ZMIZ2: variants seen among roughly 807,000 people sequenced by gnomAD.
The protein encoded by ZMIZ2 is zinc finger MIZ domain-containing protein 2.
A neutral mutation model predicts 93.9 loss-of-function variants in ZMIZ2; 26 were observed. The observed-to-expected ratio is 0.28, with a 90% confidence interval of 0.20 to 0.38. ZMIZ2 has a LOEUF of 0.38. Ranked by LOEUF, ZMIZ2 falls within the 10% of genes least tolerant of loss-of-function variation. ZMIZ2 has a pLI of 1.00. For missense variants in ZMIZ2, 1,023 were observed against 1,235.0 expected (o/e 0.83, Z 2.57); for synonymous variants, 485 against 516.4 (o/e 0.94, Z 0.82).
chr7:44,767,376 C>T, intron 18 of ZMIZ2, 140 bp from the exon 19 acceptor site: 1 of 760,350 alleles, frequency 1.3e-6, no homozygotes, highest in South Asian at 1.7e-5. Context: ...TGGGGCCCCG[C>T]ACCCGGCCTG....
intron 1 of ZMIZ2, among the ~76,000 whole-genome samples, chr7:44,754,757 A>T (rs1350059384): frequency 1.3e-5 from 2 of 152,164 alleles, no homozygotes; most frequent in Non-Finnish European, 2.9e-5. Flanking sequence ...CTCAGGTGGC[A>T]TGTCTGTGTG....
chr7:44,754,403 G>C (rs1275269178), intron 1 of ZMIZ2, among the ~76,000 whole-genome samples: 1 of 152,136 alleles, frequency 6.6e-6, no homozygotes, highest in African/African-American at 2.4e-5. Context: ...CTCCCCTGAG[G>C]GTGTGAGGAA....
intron 1 of ZMIZ2, among the ~76,000 whole-genome samples, 162 bp downstream of exon 1, chr7:44,749,153 A>G (rs1253067960): frequency 6.6e-6 from 1 of 151,778 alleles, no homozygotes; most frequent in African/African-American, 2.4e-5. Context: ...GCGCCACGGT[A>G]GGGTTCACAG....
At position 44,768,651 on chromosome 7, in the gene ZMIZ2, C is replaced by T. The variant is rs994302164; in HGVS notation, c.*1028C>T. ...GCAGGGCGCCTGGGCTGTTGTGTCT[C>T]CTGTCTGTGCCGATCTCTATTAAAG... On this transcript the variant is annotated 3_prime_UTR_variant, in exon 19 of 19. Coordinates refer to ENST00000309315, the MANE Select transcript of ZMIZ2 (RefSeq NM_031449.4). 2 of 152,176 alleles carry T rather than the reference C, an allele frequency of 1.3e-5. No individual in the cohort carries two copies. Among genetic ancestry groups the T allele is most frequent in the Non-Finnish European group, 2.9e-5 (2 of 68,076 alleles). The allele number at this position is 152,176 out of a possible 1,614,324, so 9.4% of individuals were successfully genotyped here.
intron 14 of ZMIZ2, 39 bp downstream of exon 14, chr7:44,764,525 G>A (rs1180871167): frequency 6.2e-7 from 1 of 1,608,940 alleles, no homozygotes; most frequent in African/African-American, 1.3e-5. Flanking sequence ...GGAGGGGCTG[G>A]TGCTTTTAGA....
Position 44,763,601 on chromosome 7 carries a change from C to CA in ZMIZ2, c.1860+191dup. Reference sequence around the variant, plus strand: ...CCCAAGACTAGGCTATTTTTTCTTCCAAATATAATTGTCATTTTACTAACT... The same window carrying CA: ...CCCAAGACTAGGCTATTTTTTCTTCCAAAATATAATTGTCATTTTACTAACT... On this transcript the variant is annotated intron_variant, in intron 13 of 18. Transcript: ENST00000309315. The surrounding 1 kb of genome is among the most constrained non-coding windows in gnomAD (Gnocchi z 5.6). The CA allele has an allele frequency of 1.4e-6, 1 of 704,672 alleles. No individual in the cohort carries two copies. Among genetic ancestry groups the CA allele is most frequent in the South Asian group, 2.2e-5 (1 of 45,932 alleles). The allele number at this position is 704,672 out of a possible 1,614,324, so 43.7% of individuals were successfully genotyped here.
chr7:44,748,609 C>T (rs902969510), upstream of ZMIZ2: 2 of 152,454 alleles, frequency 1.3e-5, no homozygotes, highest in African/African-American at 2.4e-5. Flanking sequence ...CGCAGTGGCT[C>T]TGCCGACGCC....
Position 44,768,859 on chromosome 7 carries a change from C to A in ZMIZ2, c.*1236C>A, listed in dbSNP as rs1791950529. 5 of 152,284 alleles carry A rather than the reference C, an allele frequency of 3.3e-5. No individual in the cohort carries two copies. Among genetic ancestry groups the A allele is most frequent in the Admixed American group, 3.3e-4 (5 of 15,282 alleles). The allele number at this position is 152,284 out of a possible 1,614,324, so 9.4% of individuals were successfully genotyped here. Reference sequence around the variant, plus strand: ...CAGGTTGAGCTCTGGATGTTTCAAGCCAAGGCTCGGCTATTCCCGCCCCAT... The same window carrying A: ...CAGGTTGAGCTCTGGATGTTTCAAGACAAGGCTCGGCTATTCCCGCCCCAT... On this transcript the variant is annotated 3_prime_UTR_variant, in exon 19 of 19. Coordinates refer to ENST00000309315, the MANE Select transcript of ZMIZ2 (RefSeq NM_031449.4).
At chr7:44,756,853 A>G (rs1239672867) in intron 3 of ZMIZ2, 94 bp from the exon 4 acceptor site, 39 of 1,368,460 alleles carry the variant, frequency 2.8e-5, no homozygotes, top group Non-Finnish European at 3.8e-5. Flanking sequence ...CCCCCAACCC[A>G]CTTGCCAGGC....
chr7:44,756,860 A>G, intron 3 of ZMIZ2, 87 bp from the exon 4 acceptor site: 2 of 1,276,120 alleles, frequency 1.6e-6, no homozygotes, highest in Non-Finnish European at 2.2e-6. Context: ...CCCACTTGCC[A>G]GGCCTGTTGG....
In ZMIZ2 at chr7:44,766,617, C is replaced by T. The variant is rs1376123822; in HGVS notation, c.2609C>T (p.Pro870Leu). The change falls in exon 18 of 19, where the codon CCC becomes CTC. Residue 870 changes from proline to leucine, a missense_variant. Coordinates refer to ENST00000309315, the MANE Select transcript of ZMIZ2 (RefSeq NM_031449.4). The surrounding 1 kb of genome is among the most constrained non-coding windows in gnomAD (Gnocchi z 4.4). ...AFSPATGVMGPPSMSGAGEAP... is the reference protein window; with the variant it reads ...AFSPATGVMGLPSMSGAGEAP... ...AGTCCTGCCACAGGCGTGATGGGGC[C>T]CCCCAGCATGTCTGGAGCCGGGGAG... The T allele has an allele frequency of 6.2e-7, 1 of 1,613,354 alleles. No individual in the cohort carries two copies. Among genetic ancestry groups the T allele is most frequent in the Non-Finnish European group, 8.5e-7 (1 of 1,180,006 alleles).
Position 44,763,028 on chromosome 7 carries a change from A to G in ZMIZ2, c.1702+42A>G. 1 of 1,573,726 alleles carries G rather than the reference A, an allele frequency of 6.4e-7. No homozygotes were observed. Among genetic ancestry groups the G allele is most frequent in the Non-Finnish European group, 8.7e-7 (1 of 1,152,210 alleles). The stretch of plus-strand genomic sequence containing the variant: ...CCTCAGCTGCCAGGCAGCCATCCCC[A>G]TTCTGTGTGGCCCAAGCCCAACAAT... On this transcript the variant is annotated intron_variant, in intron 12 of 18. Transcript: ENST00000309315. This position sits in a 1 kb window ranked among gnomAD's most constrained non-coding sequence, Gnocchi z 5.6.
Position 44,760,440 on chromosome 7 carries a change from C to G in ZMIZ2, c.1087C>G (p.Pro363Ala). The change falls in exon 9 of 19, where the codon CCG becomes GCG. Residue 363 changes from proline (P) to alanine (A), a missense_variant. Pro to Ala is a conservative substitution (Grantham distance 27). Coordinates refer to ENST00000309315, the MANE Select transcript of ZMIZ2 (RefSeq NM_031449.4). ...PGLSGPTRSI[P>A]GYPSSPLPGN... ...AACCCTACAGCCTACCCGTTCCATC[C>G]CGGGCTATCCCAGTTCCCCACTGCC... 6.2e-7 allele frequency: 1 copy of G among 1,614,052 alleles called. No individual in the cohort carries two copies. The highest frequency in any genetic ancestry group is 1.6e-4 in the Middle Eastern group (1 of 6,062).
At position 44,765,096 on chromosome 7, in the gene ZMIZ2, C is replaced by T; in HGVS notation, c.1997+87C>T. ...GTCGGGGGATGTCCCTTGCCAAGTG[C>T]AGCCTTCCAGCCTTTTTCCGGCATG... is the stretch of plus-strand genomic sequence containing the variant. On this transcript the variant is annotated intron_variant, in intron 15 of 18. Transcript: ENST00000309315. The surrounding 1 kb of genome is among the most constrained non-coding windows in gnomAD (Gnocchi z 4.1). 6.5e-7 allele frequency: 1 copy of T among 1,547,342 alleles called. No homozygotes were observed. Among genetic ancestry groups the T allele is most frequent in the Non-Finnish European group, 8.9e-7 (1 of 1,127,692 alleles).
intron 1 of ZMIZ2, among the ~76,000 whole-genome samples, chr7:44,755,342 G>C (rs151309927): frequency 7.4e-4 from 113 of 152,272 alleles, no homozygotes; most frequent in Non-Finnish European, 1.2e-3. Context: ...TGTGCTGTGT[G>C]TCCCTGCCCT....
rs377708971 is a variant in ZMIZ2, at chr7:44,761,661, C to T, written c.1386-34C>T. 28 of 1,613,516 alleles carry T rather than the reference C, an allele frequency of 1.7e-5. No homozygotes were observed. Among genetic ancestry groups the T allele is most frequent in the African/African-American group, 8.0e-5 (6 of 74,924 alleles). On this transcript the variant is annotated intron_variant, in intron 10 of 18. Coordinates refer to ENST00000309315, the MANE Select transcript of ZMIZ2 (RefSeq NM_031449.4). The surrounding 1 kb of genome is among the most constrained non-coding windows in gnomAD (Gnocchi z 5.8). The stretch of plus-strand genomic sequence containing the variant: ...TTCCTCCTCCCACACTCTCAGGGCC[C>T]GTTTTCTGGGTGTCCACCCATCTTC...
At chr7:44,759,574 G>A (rs770423236) in intron 7 of ZMIZ2, 114 bp downstream of exon 7, 10 of 977,268 alleles carry the variant, frequency 1.0e-5, no homozygotes, top group Non-Finnish European at 1.3e-5. Context: ...GGGGCCAGCA[G>A]GATGTGTAGG....
At chr7:44,755,907 C>T (rs1039083309) in intron 1 of ZMIZ2, among the ~76,000 whole-genome samples, 27 of 152,108 alleles carry the variant, frequency 1.8e-4, no homozygotes, top group South Asian at 2.1e-4. Context: ...TATTTGGAAT[C>T]GGGAAGTCCA....
At chr7:44,754,084 A>G (rs1350685842) in intron 1 of ZMIZ2, among the ~76,000 whole-genome samples, 3 of 152,138 alleles carry the variant, frequency 2.0e-5, no homozygotes, top group Non-Finnish European at 4.4e-5. Context: ...TCTATATTCT[A>G]AGTCCTAAAA....
Sources: allele counts gnomAD v4.1 joint callset (sites outside exome capture counted in the v4.1 genomes callset), GRCh38; gene constraint gnomAD v4.1.1; non-coding constraint Gnocchi (gnomAD v3.1); transcripts MANE v1.5; gene names NCBI Gene and HGNC (gene_info 2026-07-23, HGNC 2026-07-21).